The following CSMD1 variants were observed in gnomAD, a reference collection of about 807,000 sequenced individuals.
CSMD1 encodes the protein CUB and sushi domain-containing protein 1.
In CSMD1, 213 loss-of-function variants were observed where a neutral mutation model predicts 417.5. The ratio of observed to expected loss-of-function variants is 0.51; its 90% CI spans 0.46 to 0.57. The LOEUF is 0.57. Ranked by LOEUF, CSMD1 falls within the 20% of genes least tolerant of loss-of-function variation. CSMD1 has a pLI of 0.00. For missense variants in CSMD1, 6,923 were observed against 4,529.7 expected (o/e 1.53, Z -15.17); for synonymous variants, 2,862 against 1,736.8 (o/e 1.65, Z -16.11).
chr8:3,324,684 C>G (rs1409080522), intron 23 of CSMD1, among the ~76,000 whole-genome samples: 1 of 151,834 alleles, frequency 6.6e-6, no homozygotes, highest in African/African-American at 2.4e-5. Flanking sequence ...CTTCACCCCA[C>G]TTTTCGTCAC....
At chr8:3,627,030 T>C (rs1796525862) in intron 7 of CSMD1, among the ~76,000 whole-genome samples, 1 of 152,100 alleles carries the variant, frequency 6.6e-6, no homozygotes, top group Non-Finnish European at 1.5e-5. Flanking sequence ...CTCAGGAGTT[T>C]AGGCATTTTT....
At chr8:4,473,286 A>C (rs1006106818) in intron 2 of CSMD1, among the ~76,000 whole-genome samples, 2 of 152,222 alleles carry the variant, frequency 1.3e-5, no homozygotes, top group Non-Finnish European at 2.9e-5. Context: ...ATTTAGAAAT[A>C]TGACAATCAA....
At chr8:4,668,720 C>T (rs915159545) in intron 1 of CSMD1, among the ~76,000 whole-genome samples, 1 of 152,000 alleles carries the variant, frequency 6.6e-6, no homozygotes, top group Non-Finnish European at 1.5e-5. Context: ...AAAAATAAAA[C>T]ATTACCAGTT....
At chr8:4,823,019 T>C (rs564483658) in intron 1 of CSMD1, among the ~76,000 whole-genome samples, 1 of 152,292 alleles carries the variant, frequency 6.6e-6, no homozygotes, top group African/African-American at 2.4e-5. Flanking sequence ...CAATTTGCAG[T>C]TCTCATTCCA....
chr8:3,576,897 T>C (rs1290818795), intron 9 of CSMD1, among the ~76,000 whole-genome samples: 1 of 152,280 alleles, frequency 6.6e-6, no homozygotes, highest in Non-Finnish European at 1.5e-5. Context: ...TGCATTTTCC[T>C]ACTTTTTAAC....
intron 2 of CSMD1, among the ~76,000 whole-genome samples, chr8:4,565,783 TA>T (rs376185901): frequency 2.8e-5 from 3 of 105,622 alleles, no homozygotes; most frequent in Admixed American, 9.3e-5. Context: ...TATATATATA[TA>T]TATATATATA....
intron 5 of CSMD1, among the ~76,000 whole-genome samples, chr8:3,888,175 A>G (rs528950938): frequency 1.6e-4 from 25 of 152,332 alleles, no homozygotes; most frequent in South Asian, 6.2e-4. Flanking sequence ...TCCCATAAAA[A>G]TTATAACATA....
chr8:4,312,183 A>G (rs745706776), intron 3 of CSMD1, among the ~76,000 whole-genome samples: 1 of 151,930 alleles, frequency 6.6e-6, no homozygotes, highest in Admixed American at 6.6e-5. Context: ...CAGAAGACAC[A>G]ATGAACATAC....
chr8:3,277,102 C>G (rs891990053), intron 26 of CSMD1, among the ~76,000 whole-genome samples: 7 of 152,082 alleles, frequency 4.6e-5, no homozygotes, highest in African/African-American at 1.2e-4. Context: ...AACACACATC[C>G]AAGCTGAGAG....
chr8:4,907,603 A>C (rs575835858), intron 1 of CSMD1, among the ~76,000 whole-genome samples: 2 of 152,240 alleles, frequency 1.3e-5, no homozygotes, highest in Non-Finnish European at 2.9e-5. Flanking sequence ...TCTGTTACCC[A>C]AGCTGAAGTG....
chr8:3,524,481 G>C (rs918566805), intron 10 of CSMD1, among the ~76,000 whole-genome samples: 1 of 141,280 alleles, frequency 7.1e-6, no homozygotes, highest in Non-Finnish European at 1.5e-5. Context: ...AGAAAGACAT[G>C]TGCACACACA....
In CSMD1 at chr8:4,595,566, C is replaced by T. The variant is rs372869622; in HGVS notation, c.302+41776G>A. Among the ~76,000 whole-genome samples the T allele has an allele frequency of 2.0e-3, 303 of 152,140 alleles. 1 individual carries two copies. Among genetic ancestry groups the T allele is most frequent in the African/African-American group, 7.0e-3 (291 of 41,516 alleles). ...TCTGGTGGCACAGAAACCATACATT[C>T]TCAGTGTTGCTTCCTAAACAATGTC... On this transcript the variant is annotated intron_variant, in intron 2 of 69. Transcript: ENST00000635120.
At chr8:3,509,318 T>C (rs893970774) in intron 10 of CSMD1, among the ~76,000 whole-genome samples, 13 of 152,246 alleles carry the variant, frequency 8.5e-5, no homozygotes, top group African/African-American at 2.7e-4. Context: ...CCCATAGTTA[T>C]AGTAAATCAT....
At chr8:4,241,367 G>A (rs951743523) in intron 3 of CSMD1, among the ~76,000 whole-genome samples, 1 of 152,174 alleles carries the variant, frequency 6.6e-6, no homozygotes, top group Non-Finnish European at 1.5e-5. Flanking sequence ...TCGAGTAGCA[G>A]GTCCTCAGGG....
At chr8:4,247,509 G>C (rs1802785349) in intron 3 of CSMD1, among the ~76,000 whole-genome samples, 1 of 152,104 alleles carries the variant, frequency 6.6e-6, no homozygotes. Flanking sequence ...TTTCGGTGTA[G>C]AAATTTACTT....
intron 5 of CSMD1, among the ~76,000 whole-genome samples, chr8:3,842,599 G>A (rs915906270): frequency 6.6e-6 from 1 of 152,034 alleles, no homozygotes; most frequent in African/African-American, 2.4e-5. Context: ...TGCCTATATG[G>A]AAGTTACATC....
chr8:3,476,005 C>T (rs1288052174), intron 11 of CSMD1, among the ~76,000 whole-genome samples: 2 of 152,182 alleles, frequency 1.3e-5, no homozygotes, highest in Admixed American at 1.3e-4. Flanking sequence ...TCCCTTTGCA[C>T]CTTGCTAAAT....
At chr8:4,701,842 A>C (rs1807578039) in intron 1 of CSMD1, among the ~76,000 whole-genome samples, 1 of 152,218 alleles carries the variant, frequency 6.6e-6, no homozygotes, top group African/African-American at 2.4e-5. Context: ...AATCCCATGC[A>C]ACTCCATTAA....
At chr8:3,926,251 A>C (rs1215072940) in intron 5 of CSMD1, among the ~76,000 whole-genome samples, 1 of 152,148 alleles carries the variant, frequency 6.6e-6, no homozygotes, top group Non-Finnish European at 1.5e-5. Flanking sequence ...TTAATGGTAA[A>C]ATCACAATCC....
Sources: gnomAD v4.1 joint callset for allele counts (sites outside exome capture counted in the v4.1 genomes callset) on GRCh38, gnomAD v4.1.1 for gene constraint, MANE v1.5 for transcripts, NCBI Gene and HGNC (gene_info 2026-07-23, HGNC 2026-07-21) for gene names.